The following CHSY3 variants were observed in gnomAD, a reference collection of about 807,000 sequenced individuals.
CHSY3 encodes the protein chondroitin sulfate synthase 3.
In CHSY3, 35 loss-of-function variants were observed where a neutral mutation model predicts 67.2. That is an observed-to-expected ratio of 0.52 (90% CI 0.40 to 0.69). The LOEUF (loss-of-function observed/expected upper bound fraction) is 0.69. Ranked by LOEUF, CHSY3 falls within the 30% of genes least tolerant of loss-of-function variation. The pLI is 0.00. For missense variants in CHSY3, 1,069 were observed against 1,138.5 expected (o/e 0.94, Z 0.88); for synonymous variants, 474 against 434.7 (o/e 1.09, Z -1.12).
intron 2 of CHSY3, among the ~76,000 whole-genome samples, chr5:130,114,796 G>A (rs573185243): frequency 1.2e-4 from 19 of 152,194 alleles, no homozygotes; most frequent in African/African-American, 4.1e-4. Flanking sequence ...AGTTTAGGAC[G>A]TCATCTGGCA....
At chr5:130,122,246 T>C (rs940798940) in intron 2 of CHSY3, among the ~76,000 whole-genome samples, 2 of 152,226 alleles carry the variant, frequency 1.3e-5, no homozygotes, top group Admixed American at 1.3e-4. Flanking sequence ...AATTTGTTCC[T>C]ATATTTGTTG....
At chr5:129,957,011 G>T (rs1762196699) in intron 2 of CHSY3, among the ~76,000 whole-genome samples, 1 of 151,888 alleles carries the variant, frequency 6.6e-6, no homozygotes, top group Admixed American at 6.6e-5. Context: ...GAATGTCATT[G>T]GTAGTTTAAT....
At chr5:130,027,930 A>G (rs1056208781) in intron 2 of CHSY3, among the ~76,000 whole-genome samples, 10 of 152,178 alleles carry the variant, frequency 6.6e-5, no homozygotes, top group Non-Finnish European at 1.0e-4. Flanking sequence ...TGCAATAAAC[A>G]TATGTGTGCA....
intron 2 of CHSY3, among the ~76,000 whole-genome samples, chr5:130,164,923 T>C (rs1056558985): frequency 1.3e-5 from 2 of 151,712 alleles, no homozygotes; most frequent in African/African-American, 4.8e-5. Context: ...GGAAAAGAAA[T>C]GGTATTGACA....
intron 2 of CHSY3, chr5:130,141,169 C>T (rs1268558643): frequency 2.3e-5 from 10 of 425,946 alleles, no homozygotes; most frequent in African/African-American, 1.9e-4. Flanking sequence ...TATCTGGAAG[C>T]AAATCTGAAA....
chr5:130,142,400 G>C (rs912778399), intron 2 of CHSY3, among the ~76,000 whole-genome samples: 1 of 152,134 alleles, frequency 6.6e-6, no homozygotes, highest in African/African-American at 2.4e-5. Context: ...AGTAAGAGTC[G>C]TGACCTTTTG....
chr5:130,116,263 C>CA (rs965102558), intron 2 of CHSY3, among the ~76,000 whole-genome samples: 4 of 152,098 alleles, frequency 2.6e-5, no homozygotes, highest in African/African-American at 9.7e-5. Context: ...GAAGAGTTCA[C>CA]AAAAAAACGT....
intron 2 of CHSY3, among the ~76,000 whole-genome samples, chr5:129,960,508 C>T (rs1485624046): frequency 6.6e-6 from 1 of 151,732 alleles, no homozygotes; most frequent in African/African-American, 2.4e-5. Flanking sequence ...TATGATGAGC[C>T]AGTCATCATG....
At chr5:130,032,767 T>G (rs931031529) in intron 2 of CHSY3, among the ~76,000 whole-genome samples, 10 of 152,142 alleles carry the variant, frequency 6.6e-5, no homozygotes, top group Non-Finnish European at 1.0e-4. Flanking sequence ...TCCTGAAGTT[T>G]GTTGGAGTTT....
chr5:130,176,776 G>A (rs936323730), intron 2 of CHSY3, among the ~76,000 whole-genome samples: 7 of 152,082 alleles, frequency 4.6e-5, no homozygotes, highest in Non-Finnish European at 8.8e-5. Context: ...CTCACTAATA[G>A]TGGGAGTTGA....
chr5:130,133,799 A>G (rs1391573558), intron 2 of CHSY3, among the ~76,000 whole-genome samples: 2 of 147,172 alleles, frequency 1.4e-5, no homozygotes, highest in Non-Finnish European at 3.0e-5. Flanking sequence ...AAAAAAAGAA[A>G]AAAAAAAAAA....
At chr5:130,020,461 A>ATATATATAT (rs1371121130) in intron 2 of CHSY3, among the ~76,000 whole-genome samples, 14 of 79,912 alleles carry the variant, frequency 1.8e-4, no homozygotes, top group Non-Finnish European at 2.7e-4. Flanking sequence ...ATATATATAT[A>ATATATATAT]TTTTTTTTTT....
chr5:129,962,559 A>G (rs1762361534), intron 2 of CHSY3, among the ~76,000 whole-genome samples: 1 of 151,940 alleles, frequency 6.6e-6, no homozygotes, highest in South Asian at 2.1e-4. Flanking sequence ...GTTTCCCATA[A>G]AACACAATAT....
At chr5:130,095,412 G>A (rs1004800464) in intron 2 of CHSY3, among the ~76,000 whole-genome samples, 1 of 152,136 alleles carries the variant, frequency 6.6e-6, no homozygotes, top group East Asian at 1.9e-4. Context: ...TAAGGGAACC[G>A]GGGACGAAAC....
intron 2 of CHSY3, among the ~76,000 whole-genome samples, chr5:129,957,187 C>T (rs1464314481): frequency 6.6e-6 from 1 of 151,880 alleles, no homozygotes; most frequent in African/African-American, 2.4e-5. Context: ...TCACCTCCGT[C>T]GTTATCTATG....
intron 2 of CHSY3, among the ~76,000 whole-genome samples, chr5:130,148,385 A>G (rs1769135857): frequency 1.3e-5 from 2 of 152,146 alleles, no homozygotes; most frequent in African/African-American, 4.8e-5. Flanking sequence ...TGGTAGAATG[A>G]TTTGTATTCC....
chr5:129,991,919 C>T (rs1057028049), intron 2 of CHSY3, among the ~76,000 whole-genome samples: 1 of 152,164 alleles, frequency 6.6e-6, no homozygotes, highest in Non-Finnish European at 1.5e-5. Context: ...TAGGTTGCTC[C>T]ACTGTGGTTA....
intron 2 of CHSY3, among the ~76,000 whole-genome samples, chr5:130,082,883 TACAC>T (rs909521048): frequency 6.6e-6 from 1 of 151,392 alleles, no homozygotes; most frequent in African/African-American, 2.4e-5. Context: ...TATATGTATA[TACAC>T]ACACACACAT....
chr5:130,031,054 T>G (rs1192994446), intron 2 of CHSY3, among the ~76,000 whole-genome samples: 1 of 151,960 alleles, frequency 6.6e-6, no homozygotes, highest in Non-Finnish European at 1.5e-5. Flanking sequence ...GCAGATGGTG[T>G]CATATAAAGA....
Sources: gnomAD v4.1 joint callset for allele counts (sites outside exome capture counted in the v4.1 genomes callset) on GRCh38, gnomAD v4.1.1 for gene constraint, MANE v1.5 for transcripts, NCBI Gene and HGNC (gene_info 2026-07-23, HGNC 2026-07-21) for gene names.